CIPC: variants seen among roughly 807,000 people sequenced by gnomAD.
CIPC encodes CLOCK interacting pacemaker.
Under a neutral mutation model 26.7 loss-of-function variants are expected in CIPC, and 12 were observed. The observed-to-expected ratio is 0.45, with a 90% CI of 0.29 to 0.73. CIPC has a LOEUF of 0.73. Among genes scored for constraint, CIPC ranks in the 30% least tolerant of loss-of-function variants. The pLI is 0.12. For missense variants in CIPC, 417 were observed against 486.5 expected (o/e 0.86, Z 1.34); for synonymous variants, 170 against 189.8 (o/e 0.90, Z 0.86).
At chr14:77,103,054 C>A (rs1241224650) in intron 1 of CIPC, among the ~76,000 whole-genome samples, 1 of 152,190 alleles carries the variant, frequency 6.6e-6, no homozygotes, top group Non-Finnish European at 1.5e-5. Context: ...CTTTTATGCA[C>A]ATAGGATTAA....
chr14:77,116,029 A>C lies in CIPC; in HGVS notation c.*1711A>C, dbSNP rs954033615. The C allele has an allele frequency of 5.3e-5, 8 of 152,224 alleles. No individual in the cohort carries two copies. Among genetic ancestry groups the C allele is most frequent in the Admixed American group, 6.5e-5 (1 of 15,282 alleles). The allele number at this position is 152,224 out of a possible 1,614,324, so 9.4% of individuals were successfully genotyped here. A position where few individuals can be genotyped will look rare whatever the true frequency, so the allele number is the denominator to read the frequency against. On this transcript the variant is annotated 3_prime_UTR_variant, in exon 4 of 4. Transcript: ENST00000361786. ...AAAGAAAAGTTTTACCAAGACCAGA[A>C]GTTAAATATGACATTTCCTAGGTAG...
chr14:77,105,308 T>G (rs1886570093), intron 1 of CIPC, among the ~76,000 whole-genome samples: 2 of 152,166 alleles, frequency 1.3e-5, no homozygotes. Context: ...TCCTTTTCCC[T>G]TCTCTTCACT....
intron 2 of CIPC, among the ~76,000 whole-genome samples, chr14:77,108,425 C>T (rs533538706): frequency 6.6e-6 from 1 of 152,286 alleles, no homozygotes; most frequent in African/African-American, 2.4e-5. Flanking sequence ...GGCGCGTTGC[C>T]TCACACCTGT....
chr14:77,107,620 C>T (rs1451967564), intron 2 of CIPC, among the ~76,000 whole-genome samples: 1 of 132,206 alleles, frequency 7.6e-6, no homozygotes, highest in African/African-American at 2.9e-5. Context: ...CTCTCTCTCG[C>T]TCTCTTTACA....
chr14:77,112,109 G>A (rs780547809), intron 3 of CIPC, among the ~76,000 whole-genome samples: 3 of 152,300 alleles, frequency 2.0e-5, no homozygotes, highest in South Asian at 2.1e-4. Flanking sequence ...AATGGTGCGC[G>A]CATGTACATG....
chr14:77,111,470 C>T (rs1886699119), intron 3 of CIPC, among the ~76,000 whole-genome samples: 1 of 152,210 alleles, frequency 6.6e-6, no homozygotes, highest in Non-Finnish European at 1.5e-5. Flanking sequence ...ATTTAAAACT[C>T]TGCATGTTGT....
chr14:77,113,527 C>T lies in CIPC; in HGVS notation c.409C>T (p.Pro137Ser). Reference protein sequence around the residue: ...LLFLHPPVPSPVSPCHTGEKK... With the variant: ...LLFLHPPVPSSVSPCHTGEKK... ...ATTCCTTCATCCACCTGTACCATCT[C>T]CTGTCAGTCCATGTCACACTGGTGA... Residue 137 changes from proline to serine, a missense_variant, in exon 4 of 4, where the codon CCT (proline) becomes TCT (serine). Pro to Ser is a moderately conservative substitution (Grantham distance 74). Transcript: ENST00000361786. 1 of 1,614,208 alleles carries T rather than the reference C, an allele frequency of 6.2e-7. No individual in the cohort carries two copies. The highest frequency in any genetic ancestry group is 8.5e-7 in the Non-Finnish European group (1 of 1,180,020).
chr14:77,109,066 C>T (rs1424655038), intron 2 of CIPC, among the ~76,000 whole-genome samples: 2 of 152,098 alleles, frequency 1.3e-5, no homozygotes, highest in African/African-American at 4.8e-5. Context: ...TGCAGAATGG[C>T]ATTTAGAAAC....
At chr14:77,100,568 CTCTTCTT>C (rs1886461270) in intron 1 of CIPC, among the ~76,000 whole-genome samples, 1 of 149,214 alleles carries the variant, frequency 6.7e-6, no homozygotes, top group African/African-American at 2.5e-5. Context: ...CTTTTCTTTT[CTCTTCTT>C]TTTTTTTTTT....
intron 1 of CIPC, 26 bp from the exon 2 acceptor site, chr14:77,105,631 A>G (rs1237803666): frequency 6.7e-7 from 1 of 1,490,534 alleles, no homozygotes; most frequent in Non-Finnish European, 9.1e-7. Context: ...CCAGGCAGTG[A>G]CTTCTTATAT....
Position 77,105,756 on chromosome 14 carries a change from CAAAG to C in CIPC, c.49_52del (p.Lys17Ter). The C allele has an allele frequency of 1.2e-6, 2 of 1,614,086 alleles. No homozygotes were observed. The highest frequency in any genetic ancestry group is 1.7e-6 in the Non-Finnish European group (2 of 1,179,962). ...GAGAGAGCCCCAGAAGACTCTCTGC[CAAAG>C]TAGGCAAAGGCACAGAGATGAAGAA... is the stretch of plus-strand genomic sequence containing the variant. On this transcript the variant is annotated frameshift_variant, in exon 2 of 4. Transcript: ENST00000361786. LOFTEE classifies it high-confidence loss of function.
At chr14:77,103,067 G>A (rs1232914380) in intron 1 of CIPC, among the ~76,000 whole-genome samples, 4 of 152,204 alleles carry the variant, frequency 2.6e-5, no homozygotes, top group South Asian at 2.1e-4. Flanking sequence ...AGGATTAAAC[G>A]TGTGACCTGT....
chr14:77,107,324 T>C (rs1277332440), intron 2 of CIPC, among the ~76,000 whole-genome samples: 1 of 152,196 alleles, frequency 6.6e-6, no homozygotes, highest in Non-Finnish European at 1.5e-5. Context: ...GTTTTAAGAA[T>C]ATTGTACTAC....
rs916925550 is a variant in CIPC at position 77,116,055 on chromosome 14, T to C, written c.*1737T>C. On this transcript the variant is annotated 3_prime_UTR_variant, in exon 4 of 4. Coordinates refer to ENST00000361786, the MANE Select transcript of CIPC (RefSeq NM_033426.3). ...GTTAAATATGACATTTCCTAGGTAG[T>C]TGTAACTCTAACATAGTTTAAAAAG... The C allele has an allele frequency of 2.0e-4, 30 of 152,190 alleles. No homozygotes were observed. The highest frequency in any genetic ancestry group is 6.5e-4 in the African/African-American group (27 of 41,428). The allele number at this position is 152,190 out of a possible 1,614,324, so 9.4% of individuals were successfully genotyped here.
chr14:77,113,885 G>A lies in CIPC; in HGVS notation c.767G>A (p.Ser256Asn). The A allele has an allele frequency of 1.2e-6, 2 of 1,614,128 alleles. No homozygotes were observed. Among genetic ancestry groups the A allele is most frequent in the East Asian group, 4.5e-5 (2 of 44,884 alleles). Residue 256 changes from serine (S) to asparagine (N), a missense_variant, in exon 4 of 4, where the codon AGT becomes AAT. Transcript: ENST00000361786. The stretch of plus-strand genomic sequence containing the variant: ...AGCAGTCACGTGGCTAAAGCTCCCA[G>A]TCTGACCTTCGCTTCCCCCGCCAGT... Reference protein sequence around the residue: ...VSSSHVAKAPSLTFASPASPV... With the variant: ...VSSSHVAKAPNLTFASPASPV...
chr14:77,113,647 G>C lies in CIPC; in HGVS notation c.529G>C (p.Glu177Gln). ...CAAAAGGGGCCTTTCCCTTGGCCCA[G>C]AAGAAAAAGGAACAAGTGGAGTGCA... ...PGKRGLSLGP[E>Q]EKGTSGVQKK... The change falls in exon 4 of 4, where the codon GAA becomes CAA. Residue 177 changes from glutamate to glutamine, a missense_variant. Physicochemically the swap from Glu to Gln is conservative, Grantham distance 29 (BLOSUM62 2). Coordinates refer to ENST00000361786, the MANE Select transcript of CIPC (RefSeq NM_033426.3). The C allele has an allele frequency of 1.2e-6, 2 of 1,613,678 alleles. No individual in the cohort carries two copies. The highest frequency in any genetic ancestry group is 1.7e-6 in the Non-Finnish European group (2 of 1,179,900).
Position 77,108,886 on chromosome 14 carries a change from CCAG to C in CIPC, c.137-922_137-920del, listed in dbSNP as rs1164485689. Among the ~76,000 whole-genome samples the C allele has an allele frequency of 4.6e-5, 7 of 152,224 alleles. No individual in the cohort carries two copies. The South Asian group carries it at 6.2e-4, about 14-fold the overall frequency. On this transcript the variant is annotated intron_variant, in intron 2 of 3. Coordinates refer to ENST00000361786, the MANE Select transcript of CIPC (RefSeq NM_033426.3). ...GATACTCAAATTGTCTCAAATTTGA[CCAG>C]CAGGAGTCCCCTCAAGATAGCTCTT...
At chr14:77,109,003 T>C (rs961469689) in intron 2 of CIPC, among the ~76,000 whole-genome samples, 20 of 152,208 alleles carry the variant, frequency 1.3e-4, no homozygotes, top group Non-Finnish European at 2.4e-4. Context: ...GTATCTTCCC[T>C]GTCAAAGTCT....
intron 3 of CIPC, 165 bp from the exon 4 acceptor site, chr14:77,113,259 TG>T: frequency 4.1e-6 from 3 of 737,650 alleles, no homozygotes; most frequent in African/African-American, 1.7e-5. Flanking sequence ...AAAAAGTATT[TG>T]TGATATCAGA....
Sources: allele counts gnomAD v4.1 joint callset (sites outside exome capture counted in the v4.1 genomes callset), GRCh38; gene constraint gnomAD v4.1.1; transcripts MANE v1.5; gene names NCBI Gene and HGNC (gene_info 2026-07-23, HGNC 2026-07-21).